The following STAC variants were observed in gnomAD, a reference collection of about 807,000 sequenced individuals.
The protein encoded by STAC is SH3 and cysteine rich domain.
A neutral mutation model predicts 48.8 loss-of-function variants in STAC; 43 were observed. The ratio of observed to expected loss-of-function variants is 0.88; its 90% CI spans 0.69 to 1.14. The LOEUF (loss-of-function observed/expected upper bound fraction) is 1.14. Among genes scored for constraint, STAC ranks in the 50% most tolerant of loss-of-function variants. The pLI is 0.00. For missense variants in STAC, 497 were observed against 504.0 expected (o/e 0.99, Z 0.13); for synonymous variants, 193 against 179.5 (o/e 1.07, Z -0.60).
chr3:36,467,468 G>A lies in STAC; in HGVS notation c.389-15524G>A, dbSNP rs529039537. ...ATAGAATTCAGCTATGAATCTGTGC[G>A]GTTCTGGACTTTTTTTGTTGGCAAT... On this transcript the variant is annotated intron_variant, in intron 2 of 10. Coordinates refer to ENST00000273183, the MANE Select transcript of STAC (RefSeq NM_003149.3). 2.3e-4 allele frequency among the ~76,000 whole-genome samples: 35 copies of A among 152,118 alleles called. No homozygotes were observed. In the South Asian group the frequency reaches 5.6e-3, roughly 24 times the overall value.
chr3:36,530,752 C>CGTGG (rs1699046488), intron 10 of STAC, among the ~76,000 whole-genome samples: 4 of 151,776 alleles, frequency 2.6e-5, no homozygotes, highest in Admixed American at 2.6e-4. Flanking sequence ...TGAGCCACCA[C>CGTGG]GCCTGGCTAA....
chr3:36,524,319 C>T (rs1304551328), intron 8 of STAC, among the ~76,000 whole-genome samples: 2 of 152,044 alleles, frequency 1.3e-5, no homozygotes, highest in Non-Finnish European at 2.9e-5. Context: ...GCGGGCCAGG[C>T]GCGGTGGCTC....
chr3:36,441,188 C>A (rs980012130), intron 1 of STAC, among the ~76,000 whole-genome samples: 4 of 152,120 alleles, frequency 2.6e-5, no homozygotes, highest in Non-Finnish European at 5.9e-5. Context: ...AGCACTAGAA[C>A]TTATTCTTCC....
At chr3:36,452,480 T>C (rs897453571) in intron 2 of STAC, among the ~76,000 whole-genome samples, 3 of 152,214 alleles carry the variant, frequency 2.0e-5, no homozygotes, top group Admixed American at 2.0e-4. Context: ...TGCTGTGTTC[T>C]CTGTGTTCTC....
chr3:36,452,631 C>CA (rs1696714928), intron 2 of STAC, among the ~76,000 whole-genome samples: 1 of 152,092 alleles, frequency 6.6e-6, no homozygotes, highest in African/African-American at 2.4e-5. Flanking sequence ...ATACATAAGG[C>CA]AAAATACCAA....
Position 36,547,185 on chromosome 3 carries a change from C to G in STAC, c.*896C>G, listed in dbSNP as rs914620669. On this transcript the variant is annotated 3_prime_UTR_variant, in exon 11 of 11. Coordinates refer to ENST00000273183, the MANE Select transcript of STAC (RefSeq NM_003149.3). ...TCTCCATTTTCATTTTACATCCTCT[C>G]TATTGGAGGCAGCACTTTTCCCTCA... The G allele has an allele frequency of 6.6e-6, 1 of 152,260 alleles. No homozygotes were observed. The highest frequency in any genetic ancestry group is 1.5e-5 in the Non-Finnish European group (1 of 68,052). The allele number at this position is 152,260 out of a possible 1,614,324, so 9.4% of individuals were successfully genotyped here. A position where few individuals can be genotyped will look rare whatever the true frequency, so the allele number is the denominator to read the frequency against.
At position 36,504,427 on chromosome 3, in the gene STAC, C is replaced by A. The variant is rs768005951; in HGVS notation, c.801C>A (p.Phe267Leu). 8 of 1,613,570 alleles carry A rather than the reference C, an allele frequency of 5.0e-6. No individual in the cohort carries two copies. The highest frequency in any genetic ancestry group is 6.8e-6 in the Non-Finnish European group (8 of 1,179,684). ...ATCCAGAAAATGGCACTGATGATTTCAGAGATCCAGCGAAGAACATAAACC... is the reference window on the plus strand; with the variant it reads ...ATCCAGAAAATGGCACTGATGATTTAAGAGATCCAGCGAAGAACATAAACC... The part of the protein sequence containing the change: ...FTYPENGTDD[F>L]RDPAKNINHQ... The change falls in exon 7 of 11, where the codon TTC becomes TTA. Residue 267 changes from phenylalanine (F) to leucine (L), a missense_variant. Transcript: ENST00000273183.
At chr3:36,460,135 G>A (rs757972028) in intron 2 of STAC, among the ~76,000 whole-genome samples, 5 of 151,938 alleles carry the variant, frequency 3.3e-5, no homozygotes, top group African/African-American at 4.8e-5. Context: ...CTGTAATCAG[G>A]ATACCTGTGT....
intron 5 of STAC, among the ~76,000 whole-genome samples, chr3:36,490,036 T>C (rs75957533): frequency 0.017 from 2,665 of 152,340 alleles, 22 homozygotes; most frequent in Non-Finnish European, 0.021. Context: ...GTGATTCTGA[T>C]GCACATTAAA....
At position 36,546,235 on chromosome 3, in the gene STAC, C is replaced by A; in HGVS notation, c.1155C>A (p.Val385=). 1 of 1,614,010 alleles carries A rather than the reference C, an allele frequency of 6.2e-7. No individual in the cohort carries two copies. The change falls in exon 11 of 11, where the codon GTC becomes GTA. Residue 385 remains valine, a synonymous_variant. Transcript: ENST00000273183. The stretch of plus-strand genomic sequence containing the variant: ...AAGAACAAGATGGTTTTATCAGAGT[C>A]CTCAGTGGAAAAAAGAAAGGCCTCA... ...SEEEQDGFIR[V]LSGKKKGLIP...
chr3:36,427,913 A>G (rs933530550), intron 1 of STAC, among the ~76,000 whole-genome samples: 2 of 152,224 alleles, frequency 1.3e-5, no homozygotes, highest in Non-Finnish European at 2.9e-5. Flanking sequence ...GTGAAGAAAC[A>G]TCAGCAAGCC....
At position 36,498,575 on chromosome 3, in the gene STAC, G is replaced by A. The variant is rs144011205; in HGVS notation, c.766+5346G>A. 6.0e-3 allele frequency among the ~76,000 whole-genome samples: 916 copies of A among 152,204 alleles called. 11 individuals carry two copies. The highest frequency in any genetic ancestry group is 0.021 in the African/African-American group (860 of 41,518). On this transcript the variant is annotated intron_variant, in intron 6 of 10. Coordinates refer to ENST00000273183, the MANE Select transcript of STAC (RefSeq NM_003149.3). ...TTGAGACCAGCTTGGGAAACATTGT[G>A]AAACTCCATCTTTACAAAAAATACA...
chr3:36,443,704 G>C lies in STAC; in HGVS notation c.388+64G>C, dbSNP rs1260104335. ...CCGGAAAGCTGAGTGAGAGTGGTGT[G>C]CCACGGGTCCAGGTACCTACGGACA... On this transcript the variant is annotated intron_variant, in intron 2 of 10. Coordinates refer to ENST00000273183, the MANE Select transcript of STAC (RefSeq NM_003149.3). The surrounding 1 kb of genome is among the most constrained non-coding windows in gnomAD (Gnocchi z 4.2). 8 of 1,579,714 alleles carry C rather than the reference G, an allele frequency of 5.1e-6. No homozygotes were observed.
chr3:36,488,783 C>T (rs79603775), intron 5 of STAC, among the ~76,000 whole-genome samples: 2,661 of 152,166 alleles, frequency 0.017, 22 homozygotes, highest in Non-Finnish European at 0.021. Context: ...AAGAAATAAC[C>T]GTGCTACCCT....
chr3:36,479,692 CTAG>C (rs1697592856), intron 2 of STAC, among the ~76,000 whole-genome samples: 1 of 152,156 alleles, frequency 6.6e-6, no homozygotes, highest in South Asian at 2.1e-4. Flanking sequence ...TCCAGAAATA[CTAG>C]TAGTTTTCTT....
At chr3:36,426,322 T>C (rs9877162) in intron 1 of STAC, among the ~76,000 whole-genome samples, 3,187 of 152,296 alleles carry the variant, frequency 0.021, 113 homozygotes, top group African/African-American at 0.072. Flanking sequence ...AGATAGATTA[T>C]AAAAATCAAG....
chr3:36,429,350 T>G (rs1160607087), intron 1 of STAC, among the ~76,000 whole-genome samples: 1 of 152,200 alleles, frequency 6.6e-6, no homozygotes, highest in Non-Finnish European at 1.5e-5. Context: ...CTGGTCCTTG[T>G]GCTGCCCCAG....
rs1049082718 is a variant in STAC at position 36,546,455 on chromosome 3, A to C, written c.*166A>C. On this transcript the variant is annotated 3_prime_UTR_variant, in exon 11 of 11. Coordinates refer to ENST00000273183, the MANE Select transcript of STAC (RefSeq NM_003149.3). ...CTGTGGAGTAATAGCCACAAAACAG[A>C]GGGCCCACTGCACAGCATATCCAGG... 3.2e-6 allele frequency: 2 copies of C among 625,430 alleles called. No homozygotes were observed. Among genetic ancestry groups the C allele is most frequent in the Non-Finnish European group, 5.6e-6 (2 of 356,930 alleles). The allele number at this position is 625,430 out of a possible 1,614,324, so 38.7% of individuals were successfully genotyped here.
intron 8 of STAC, among the ~76,000 whole-genome samples, chr3:36,511,866 C>T (rs143456761): frequency 1.3e-5 from 2 of 152,168 alleles, no homozygotes; most frequent in African/African-American, 2.4e-5. Context: ...TCAGTTAGAC[C>T]CTGTTTCCCA....
Sources: gnomAD v4.1 joint callset for allele counts (sites outside exome capture counted in the v4.1 genomes callset) on GRCh38, gnomAD v4.1.1 for gene constraint, Gnocchi (gnomAD v3.1) non-coding constraint, MANE v1.5 for transcripts, NCBI Gene and HGNC (gene_info 2026-07-23, HGNC 2026-07-21) for gene names.